The following SLC25A28 variants were observed in gnomAD, a reference collection of about 807,000 sequenced individuals.
SLC25A28 encodes the protein solute carrier family 25 member 28, also known as mitoferrin-2.
SLC25A28 carries 10 observed loss-of-function variants against 31.9 expected under a neutral mutation model. That is an observed-to-expected ratio of 0.31 (90% confidence interval 0.19 to 0.53). SLC25A28 has a LOEUF of 0.53. Among genes scored for constraint, SLC25A28 ranks in the 20% least tolerant of loss-of-function variants. The probability of loss-of-function intolerance (pLI) is 0.95; values close to 1 mark genes in which losing one functional copy is unlikely to be tolerated. For synonymous variants in SLC25A28, 208 were observed against 203.6 expected, an observed-to-expected ratio of 1.02 and a Z score of -0.19; for missense variants, 256 against 490.3, an observed-to-expected ratio of 0.52 and a Z score of 4.51.
the SLC25A28 span, among the ~76,000 whole-genome samples, chr10:99,631,928 C>G: frequency 2.8e-5 from 3 of 106,544 alleles, no homozygotes; most frequent in East Asian, 6.1e-4. Context: ...CTCGCTCTGT[C>G]GCCCAGGCCG....
chr10:99,612,678 T>A, intron 2 of SLC25A28, 79 bp from the exon 3 acceptor site: 1 of 1,515,280 alleles, frequency 6.6e-7, no homozygotes, highest in Non-Finnish European at 9.2e-7. Flanking sequence ...TGAAGGGGAG[T>A]GGCTGTGCTA....
chr10:99,616,783 CTG>C, intron 1 of SLC25A28: 1 of 972,656 alleles, frequency 1.0e-6, no homozygotes, highest in Non-Finnish European at 1.2e-6. Context: ...GCTACTTAAA[CTG>C]TGTGACCTTG....
At chr10:99,614,387 T>C (rs2133344419) in intron 1 of SLC25A28, among the ~76,000 whole-genome samples, 1 of 152,316 alleles carries the variant, frequency 6.6e-6, no homozygotes, top group Non-Finnish European at 1.5e-5. Context: ...CGGCTAATTT[T>C]TTTATACTTT....
chr10:99,623,178 GACAACCCTAAGGTGAGA>G (rs995935431), upstream of SLC25A28, among the ~76,000 whole-genome samples: 1 of 152,192 alleles, frequency 6.6e-6, no homozygotes, highest in African/African-American at 2.4e-5. Flanking sequence ...CAGTAGGTAC[GACAACCCTAAGGTGAGA>G]ACAAGGTTGG....
upstream of SLC25A28, among the ~76,000 whole-genome samples, chr10:99,625,072 G>A (rs777371518): frequency 4.0e-4 from 61 of 151,774 alleles, no homozygotes; most frequent in Middle Eastern, 3.4e-3. Flanking sequence ...TCCTTCAGAT[G>A]TTCAGATGTA....
upstream of SLC25A28, among the ~76,000 whole-genome samples, chr10:99,622,116 G>A (rs182731897): frequency 2.0e-5 from 3 of 152,098 alleles, no homozygotes; most frequent in Non-Finnish European, 4.4e-5. Flanking sequence ...TCAGGAGTTC[G>A]AGACCAGCCT....
chr10:99,630,323 G>A, the SLC25A28 span, among the ~76,000 whole-genome samples: 36,323 of 151,722 alleles, frequency 0.24, 4,461 homozygotes, highest in South Asian at 0.3. Flanking sequence ...TGGTAGACGC[G>A]GGGTTTCACC....
At chr10:99,631,569 A>G in the SLC25A28 span, among the ~76,000 whole-genome samples, 1 of 152,240 alleles carries the variant, frequency 6.6e-6, no homozygotes, top group Non-Finnish European at 1.5e-5. Context: ...TAATAAACTA[A>G]CAAAACAGAG....
At chr10:99,629,306 G>A in the SLC25A28 span, among the ~76,000 whole-genome samples, 3 of 152,222 alleles carry the variant, frequency 2.0e-5, no homozygotes, top group Non-Finnish European at 2.9e-5. Context: ...GCCCTCCTCA[G>A]AAGCTGGGGA....
chr10:99,658,109 C>T, the SLC25A28 span, among the ~76,000 whole-genome samples: 1 of 152,090 alleles, frequency 6.6e-6, no homozygotes, highest in Non-Finnish European at 1.5e-5. Context: ...GGATCGCTTG[C>T]TCAGGAGGTC....
At chr10:99,641,363 T>G in the SLC25A28 span, among the ~76,000 whole-genome samples, 4 of 152,234 alleles carry the variant, frequency 2.6e-5, no homozygotes, top group Non-Finnish European at 5.9e-5. Flanking sequence ...ATAAATGTCT[T>G]CTTTTGAGAA....
chr10:99,615,092 C>T (rs929465831), intron 1 of SLC25A28, among the ~76,000 whole-genome samples: 5 of 152,120 alleles, frequency 3.3e-5, no homozygotes, highest in Admixed American at 1.3e-4. Flanking sequence ...CGGTGGCTCA[C>T]GTCTGTAATC....
chr10:99,619,915 CAT>C, intron 1 of SLC25A28, 128 bp downstream of exon 1: 1 of 926,864 alleles, frequency 1.1e-6, no homozygotes, highest in East Asian at 3.3e-5. Context: ...CGGTTCGAAT[CAT>C]GTGGTAGTGG....
the SLC25A28 span, among the ~76,000 whole-genome samples, chr10:99,640,359 C>G: frequency 6.6e-6 from 1 of 152,204 alleles, no homozygotes; most frequent in Non-Finnish European, 1.5e-5. Context: ...CAGGAGGCCT[C>G]AGTTTCTCCC....
Position 99,611,339 on chromosome 10 carries a change from T to C in SLC25A28, c.605A>G (p.Asn202Ser), listed in dbSNP as rs747960438. ...EVVKQRMQMY[N>S]SPYHRVTDCV... is the part of the protein sequence containing the mutation. ...GTCTGTCACCCGGTGGTATGGTGAG[T>C]TGTACATCTGCATCCTCTGCTTGAC... The change falls in exon 4 of 4, where the codon AAC (asparagine) becomes AGC (serine). Residue 202 changes from asparagine (N) to serine (S), a missense_variant. Physicochemically the swap from Asn to Ser is conservative, Grantham distance 46. Coordinates refer to ENST00000370495, the MANE Select transcript of SLC25A28 (RefSeq NM_031212.4). The surrounding 1 kb of genome is among the most constrained non-coding windows in gnomAD (Gnocchi z 5.5). The C allele has an allele frequency of 6.2e-7, 1 of 1,613,716 alleles. No homozygotes were observed. Among genetic ancestry groups the C allele is most frequent in the Non-Finnish European group, 8.5e-7 (1 of 1,179,970 alleles).
At chr10:99,634,758 G>A in the SLC25A28 span, among the ~76,000 whole-genome samples, 5 of 152,312 alleles carry the variant, frequency 3.3e-5, no homozygotes, top group Admixed American at 3.3e-4. Flanking sequence ...GGCTTTGGTA[G>A]AGACCTAGAC....
chr10:99,620,615 C>A, upstream of SLC25A28: 7 of 999,382 alleles, frequency 7.0e-6, no homozygotes, highest in South Asian at 1.9e-4. Flanking sequence ...CCCACCTTTT[C>A]CCCTTTGATC....
intron 1 of SLC25A28, chr10:99,617,387 G>A: frequency 1.0e-6 from 1 of 985,416 alleles, no homozygotes; most frequent in South Asian, 4.7e-5. Flanking sequence ...AGCTGAGGAT[G>A]GACAGGCCTG....
chr10:99,615,423 C>A (rs1489066940), intron 1 of SLC25A28: 2 of 984,420 alleles, frequency 2.0e-6, no homozygotes, highest in African/African-American at 3.5e-5. Flanking sequence ...TAATACCTTT[C>A]CTCAAGAGCA....
Sources: allele counts gnomAD v4.1 joint callset (sites outside exome capture counted in the v4.1 genomes callset), GRCh38; gene constraint gnomAD v4.1.1; non-coding constraint Gnocchi (gnomAD v3.1); transcripts MANE v1.5; gene names NCBI Gene and HGNC (gene_info 2026-07-23, HGNC 2026-07-21).